The following RRN3 variants were observed in gnomAD, a reference collection of about 807,000 sequenced individuals.
RRN3 encodes RNA polymerase I transcription factor RRN3, also known as RNA polymerase I-specific transcription initiation factor RRN3.
In RRN3, 38 loss-of-function variants were observed where a neutral mutation model predicts 82.3. The observed-to-expected ratio is 0.46, with a 90% CI of 0.36 to 0.61. The LOEUF (loss-of-function observed/expected upper bound fraction) is 0.61, where lower values mean the gene tolerates loss of function less well. Ranked by LOEUF, RRN3 falls within the 20% of genes least tolerant of loss-of-function variation. The probability of loss-of-function intolerance (pLI) is 0.00; values close to 1 mark genes in which losing one functional copy is unlikely to be tolerated. For missense variants in RRN3, 726 were observed against 793.1 expected (o/e 0.92, Z 1.02); for synonymous variants, 284 against 284.3 (o/e 1.00, Z 0.01).
At position 15,074,829 on chromosome 16, in the gene RRN3, C is replaced by A; in HGVS notation, c.891G>T (p.Lys297Asn). The A allele has an allele frequency of 1.2e-6, 2 of 1,613,050 alleles. No homozygotes were observed. The change falls in exon 11 of 18, where the codon AAG becomes AAT. Residue 297 changes from lysine to asparagine, a missense_variant. Transcript: ENST00000198767. Reference protein sequence around the residue: ...DEDEETEHETKAGPERLDQMV... With the variant: ...DEDEETEHETNAGPERLDQMV... ...TCTGGTCGAGCCGTTCAGGACCAGC[C>A]TTTGTTTCATGTTCAGTTTCTTCAT...
intron 6 of RRN3, among the ~76,000 whole-genome samples, chr16:15,084,960 G>T (rs2045858605): frequency 6.6e-6 from 1 of 152,008 alleles, no homozygotes; most frequent in Admixed American, 6.6e-5. Context: ...CATCTACTCA[G>T]GAGGCTGAAG....
At chr16:15,072,875 C>G in intron 12 of RRN3, 75 bp downstream of exon 12, 3 of 1,458,164 alleles carry the variant, frequency 2.1e-6, no homozygotes, top group Admixed American at 1.8e-5. Context: ...GGTCTCCGTC[C>G]ACCCCAGTTT....
intron 3 of RRN3, among the ~76,000 whole-genome samples, chr16:15,088,388 G>C (rs138570366): frequency 4.4e-4 from 67 of 151,974 alleles, no homozygotes; most frequent in African/African-American, 1.5e-3. Flanking sequence ...GATTGCTTGA[G>C]CCTGGGAGGT....
chr16:15,093,916 G>A, intron 1 of RRN3: 1 of 539,930 alleles, frequency 1.9e-6, no homozygotes, highest in East Asian at 3.4e-5. Flanking sequence ...AGACACAGTC[G>A]GGAAAGGGGG....
intron 11 of RRN3, 112 bp downstream of exon 11, chr16:15,074,611 A>G: frequency 1.3e-6 from 1 of 750,090 alleles, no homozygotes. Flanking sequence ...CTCATACTCA[A>G]TAGATATTTT....
intron 9 of RRN3, 64 bp downstream of exon 9, chr16:15,079,934 A>C (rs1307295731): frequency 1.4e-6 from 2 of 1,467,936 alleles, no homozygotes; most frequent in Non-Finnish European, 1.8e-6. Context: ...TTGTTTCCAC[A>C]TACTGTGATT....
rs778154313 is a variant in RRN3, at chr16:15,068,198, T to G, written c.1524A>C (p.Ser508=). 23 of 1,597,174 alleles carry G rather than the reference T, an allele frequency of 1.4e-5. No homozygotes were observed. In the South Asian group the frequency reaches 2.6e-4, roughly 18 times the overall value. Residue 508 remains serine (S), a synonymous_variant, in exon 15 of 18, where the codon TCA becomes TCC. Transcript: ENST00000198767. ...QLNPLKICLP[S]VVNFFAAITN... ...TGATTGCAGCAAAAAAGTTAACCAC[T>G]GAGGGCAGGCAAATCTTCAGGGGAT... is the stretch of plus-strand genomic sequence containing the variant.
rs1218223107 is a variant in RRN3 at position 15,072,979 on chromosome 16, A to G, written c.1099T>C (p.Phe367Leu). The G allele has an allele frequency of 3.1e-6, 5 of 1,613,920 alleles. No homozygotes were observed. Among genetic ancestry groups the G allele is most frequent in the Non-Finnish European group, 4.2e-6 (5 of 1,179,970 alleles). Residue 367 changes from phenylalanine (F) to leucine (L), a missense_variant, in exon 12 of 18, where the codon TTC becomes CTC. By Grantham distance (22) the Phe-to-Leu change is conservative. Coordinates refer to ENST00000198767, the MANE Select transcript of RRN3 (RefSeq NM_018427.5). ...TTGAAACTACAGAGGTAAAACATGA[A>G]AAACTGTACATGGCAGGAGGCATGG... ...PTHASCHVQF[F>L]MFYLCSFKLG...
intron 10 of RRN3, 25 bp downstream of exon 10, chr16:15,076,533 C>G: frequency 6.8e-7 from 1 of 1,462,126 alleles, no homozygotes; most frequent in Non-Finnish European, 9.6e-7. Flanking sequence ...AACTTCATCT[C>G]CACTTTCATT....
chr16:15,062,043 G>A, intron 17 of RRN3, 138 bp from the exon 18 acceptor site: 1 of 803,150 alleles, frequency 1.2e-6, no homozygotes, highest in Non-Finnish European at 1.9e-6. Context: ...AGCCAGTGTA[G>A]TGGCACACGC....
chr16:15,078,914 C>G, intron 9 of RRN3, among the ~76,000 whole-genome samples: 1 of 151,800 alleles, frequency 6.6e-6, no homozygotes, highest in Non-Finnish European at 1.5e-5. Flanking sequence ...CGGATTCACA[C>G]CATTCTCCTG....
intron 2 of RRN3, among the ~76,000 whole-genome samples, 153 bp from the exon 3 acceptor site, chr16:15,091,524 A>G (rs976453281): frequency 2.0e-5 from 3 of 151,556 alleles, no homozygotes; most frequent in African/African-American, 7.3e-5. Flanking sequence ...ATGACTACAA[A>G]AATTTAAACA....
chr16:15,075,248 ACC>A (rs2045401531), intron 10 of RRN3, among the ~76,000 whole-genome samples: 1 of 144,326 alleles, frequency 6.9e-6, no homozygotes. Context: ...TCTGTGCCCC[ACC>A]AAAAAAAAAA....
At chr16:15,076,931 A>G (rs1196042451) in intron 9 of RRN3, among the ~76,000 whole-genome samples, 2 of 150,906 alleles carry the variant, frequency 1.3e-5, no homozygotes, top group Non-Finnish European at 2.9e-5. Flanking sequence ...CAAATTCAAC[A>G]TTTATTCTAG....
intron 1 of RRN3, among the ~76,000 whole-genome samples, chr16:15,093,438 T>C (rs62039519): frequency 0.025 from 3,792 of 152,292 alleles, 63 homozygotes; most frequent in Admixed American, 0.039. Flanking sequence ...GTTCGTTTAT[T>C]TATTGGCCTA....
At chr16:15,085,796 A>C in intron 5 of RRN3, 98 bp from the exon 6 acceptor site, 1 of 1,510,984 alleles carries the variant, frequency 6.6e-7, no homozygotes, top group Non-Finnish European at 8.9e-7. Context: ...AACAGCTATA[A>C]AAAAAGTTAT....
intron 8 of RRN3, 104 bp from the exon 9 acceptor site, chr16:15,080,200 A>T: frequency 7.1e-7 from 1 of 1,416,310 alleles, no homozygotes; most frequent in Non-Finnish European, 9.3e-7. Flanking sequence ...AAATATTTAA[A>T]AAGAAAAAAA....
intron 10 of RRN3, chr16:15,076,285 G>C (rs1372031342): frequency 1.7e-6 from 1 of 591,396 alleles, no homozygotes; most frequent in East Asian, 2.8e-5. Flanking sequence ...CGCCCTCACA[G>C]ACAGCATCTG....
intron 11 of RRN3, among the ~76,000 whole-genome samples, chr16:15,074,418 ATTC>A (rs2045365459): frequency 6.6e-6 from 1 of 152,180 alleles, no homozygotes; most frequent in South Asian, 2.1e-4. Flanking sequence ...ACCCTACATC[ATTC>A]TTCAGTGCAT....
Sources: gnomAD v4.1 joint callset for allele counts (sites outside exome capture counted in the v4.1 genomes callset) on GRCh38, gnomAD v4.1.1 for gene constraint, MANE v1.5 for transcripts, NCBI Gene and HGNC (gene_info 2026-07-23, HGNC 2026-07-21) for gene names.